BRME1: variants seen among roughly 807,000 people sequenced by gnomAD.
BRME1 encodes BRCA2 and MEILB2-associating protein 1.
In BRME1, 31 loss-of-function variants were observed where a neutral mutation model predicts 52.6. The observed-to-expected ratio is 0.59, with a 90% CI of 0.44 to 0.80. The LOEUF is 0.80. BRME1 is among the 30% of genes least tolerant of loss of function. The pLI is 0.00. For synonymous variants in BRME1, 359 were observed against 353.6 expected, an observed-to-expected ratio of 1.02 and a Z score of -0.17; for missense variants, 804 against 860.3, an observed-to-expected ratio of 0.93 and a Z score of 0.82.
chr19:13,889,395 TTC>T lies in BRME1; in HGVS notation c.1459_1460del (p.Glu487AsnfsTer62). ...GCTCCTGGAGAGGGTCGTCTGCTAT[TTC>T]TCTGTGTTCCAGCACAACAGAGGCT... Reference protein sequence around the residue: ...PQASVVLEHREIADDPLQEPG... With the variant: ...PQASVVLEHRXIADDPLQEPG... On this transcript the variant is annotated frameshift_variant, in exon 6 of 9. Transcript: ENST00000586783. LOFTEE classifies it high-confidence loss of function. 1.2e-6 allele frequency: 2 copies of T among 1,614,012 alleles called. No homozygotes were observed. The highest frequency in any genetic ancestry group is 1.7e-6 in the Non-Finnish European group (2 of 1,179,990).
At chr19:13,891,274 C>T (rs1339149054) in intron 5 of BRME1, among the ~76,000 whole-genome samples, 2 of 151,488 alleles carry the variant, frequency 1.3e-5, no homozygotes, top group Admixed American at 6.6e-5. Context: ...CTCAGCCTCC[C>T]GAGTAGCTGG....
In BRME1 at chr19:13,883,365, C is replaced by T. The variant is rs1303126956; in HGVS notation, c.1799G>A (p.Arg600Lys). 5 of 1,535,338 alleles carry T rather than the reference C, an allele frequency of 3.3e-6. No individual in the cohort carries two copies. Among genetic ancestry groups the T allele is most frequent in the Non-Finnish European group, 4.4e-6 (5 of 1,146,246 alleles). The stretch of plus-strand genomic sequence containing the variant: ...CACGACGTTGGTGGCATCCTCCATC[C>T]TGGAGGCCTCAGAGGCCTGGATCCC... ...FVGIQASEASRMEDATNVVRG... is the reference protein window; with the variant it reads ...FVGIQASEASKMEDATNVVRG... The change falls in exon 8 of 9, where the codon AGG becomes AAG. Residue 600 changes from arginine to lysine, a missense_variant. By Grantham distance (26) the Arg-to-Lys change is conservative. Around this residue, in one of 3 missense-constraint regions of BRME1, gnomAD observed 552 missense variants for 561.1 expected, o/e 0.98. Coordinates refer to ENST00000586783, the MANE Select transcript of BRME1 (RefSeq NM_001345843.2). This position sits in a 1 kb window ranked among gnomAD's most constrained non-coding sequence, Gnocchi z 4.2.
intron 2 of BRME1, among the ~76,000 whole-genome samples, chr19:13,903,479 C>A (rs992350042): frequency 8.5e-5 from 13 of 152,070 alleles, no homozygotes; most frequent in Admixed American, 7.9e-4. Flanking sequence ...TTGAGACCAG[C>A]CTGGCCAACA....
At chr19:13,902,889 C>T (rs965298303) in intron 2 of BRME1, among the ~76,000 whole-genome samples, 5 of 150,648 alleles carry the variant, frequency 3.3e-5, no homozygotes, top group African/African-American at 9.8e-5. Context: ...CGCGCCACTG[C>T]ACTCCAGCCT....
Position 13,890,352 on chromosome 19 carries a change from G to A in BRME1, c.504C>T (p.Asp168=). 1 of 1,573,316 alleles carries A rather than the reference G, an allele frequency of 6.4e-7. No individual in the cohort carries two copies. ...GGCTGCTCTGCTCAGGGCGGGCACT[G>A]TCTGCCTGCGTTGGGTCCCCCAGCT... ...ATELGDPTQA[D]SARPEQSSQS... is the part of the protein sequence containing the mutation. Residue 168 remains aspartate (D), a synonymous_variant, in exon 6 of 9, where the codon GAC becomes GAT. Transcript: ENST00000586783.
Position 13,895,395 on chromosome 19 carries a change from C to T in BRME1, c.183G>A (p.Glu61=), listed in dbSNP as rs1476697631. The change falls in exon 3 of 9, where the codon GAG becomes GAA. Residue 61 remains glutamate, a synonymous_variant. Transcript: ENST00000586783. ...ACCTGGAGACGGCCTTTCCTGGTTC[C>T]TCCCCGTGCTGCTGTGTAGAGGGAA... ...GPVPSTQQHG[E]EPGKAVSSSP... is the part of the protein sequence containing the mutation. 2.0e-5 allele frequency: 33 copies of T among 1,613,354 alleles called. No individual in the cohort carries two copies. Among genetic ancestry groups the T allele is most frequent in the Non-Finnish European group, 2.7e-5 (32 of 1,179,904 alleles).
At chr19:13,905,640 T>C (rs1970657822) in intron 1 of BRME1, 75 bp downstream of exon 1, 1 of 152,240 alleles carries the variant, frequency 6.6e-6, no homozygotes, top group Non-Finnish European at 1.5e-5. Flanking sequence ...AGGGGACAGC[T>C]GGGTCCTTGG....
At chr19:13,889,112 C>T (rs1189010730) in intron 6 of BRME1, 76 bp downstream of exon 6, 4 of 1,363,336 alleles carry the variant, frequency 2.9e-6, no homozygotes, top group African/African-American at 2.9e-5. Context: ...TGCCACTGCA[C>T]CGAGTGAGGA....
Position 13,902,432 on chromosome 19 carries a change from G to A in BRME1, c.31+2430C>T, listed in dbSNP as rs376527189. Among the ~76,000 whole-genome samples the A allele has an allele frequency of 9.3e-3, 1,372 of 148,140 alleles. 20 individuals carry two copies. Among genetic ancestry groups the A allele is most frequent in the African/African-American group, 0.032 (1,307 of 40,442 alleles). On this transcript the variant is annotated intron_variant, in intron 2 of 8. Transcript: ENST00000586783. Reference sequence around the variant, plus strand: ...GCGGATCACCTGAGGTTGGGAGTTCGAGACCAGCCTGACCAACATGGAGAA... The same window carrying A: ...GCGGATCACCTGAGGTTGGGAGTTCAAGACCAGCCTGACCAACATGGAGAA...
intron 1 of BRME1, 34 bp from the exon 2 acceptor site, chr19:13,904,947 C>G: frequency 6.5e-7 from 1 of 1,535,012 alleles, no homozygotes; most frequent in East Asian, 2.2e-5. Flanking sequence ...TCATTATAAG[C>G]AGTCTCTGTC....
chr19:13,882,655 G>A lies in BRME1; in HGVS notation c.*147C>T, dbSNP rs1968710866. The A allele has an allele frequency of 2.4e-5, 25 of 1,048,858 alleles. No individual in the cohort carries two copies. The highest frequency in any genetic ancestry group is 2.9e-5 in the Non-Finnish European group (21 of 713,616). 65.0% of individuals were successfully genotyped at this position (1,048,858 alleles called of 1,614,324 possible). A position where few individuals can be genotyped will look rare whatever the true frequency, so the allele number is the denominator to read the frequency against. On this transcript the variant is annotated 3_prime_UTR_variant, in exon 9 of 9. Coordinates refer to ENST00000586783, the MANE Select transcript of BRME1 (RefSeq NM_001345843.2). ...TGGCCAGGTGAGGCCAGGACCTCAC[G>A]GCCTCCTTTGTGTTGTCCATGGAAG...
Position 13,889,938 on chromosome 19 carries a change from C to T in BRME1, c.918G>A (p.Gln306=), listed in dbSNP as rs746559438. Residue 306 remains glutamine (Q), a synonymous_variant, in exon 6 of 9, where the codon CAG becomes CAA. Coordinates refer to ENST00000586783, the MANE Select transcript of BRME1 (RefSeq NM_001345843.2). ...SWCLEPGSVA[Q]GSPDPQQTPS... ...GGGTCTGCTGGGGGTCAGGGGAGCC[C>T]TGGGCCACAGACCCGGGTTCCAGGC... The T allele has an allele frequency of 6.2e-7, 1 of 1,612,660 alleles. No homozygotes were observed.
Position 13,890,265 on chromosome 19 carries a change from C to T in BRME1, c.591G>A (p.Arg197=), listed in dbSNP as rs201485058. ...GDSQPDDPPD[R]GTGLSASQRA... ...TCTGTGAGGCGGACAACCCCGTCCCCCTGTCTGGAGGGTCATCAGGCTGAG... is the reference window on the plus strand; with the variant it reads ...TCTGTGAGGCGGACAACCCCGTCCCTCTGTCTGGAGGGTCATCAGGCTGAG... The change falls in exon 6 of 9, where the codon AGG becomes AGA. Residue 197 remains arginine (R), a synonymous_variant. Coordinates refer to ENST00000586783, the MANE Select transcript of BRME1 (RefSeq NM_001345843.2). 8 of 1,613,786 alleles carry T rather than the reference C, an allele frequency of 5.0e-6. No individual in the cohort carries two copies. The East Asian group carries it at 1.3e-4, about 27-fold the overall frequency.
intron 2 of BRME1, among the ~76,000 whole-genome samples, chr19:13,899,624 C>T (rs1276074223): frequency 6.6e-6 from 1 of 152,186 alleles, no homozygotes; most frequent in Admixed American, 6.6e-5. Flanking sequence ...ATCTCCCCTT[C>T]GCCCTGCCCT....
chr19:13,901,958 TGAGCCTGGG>T (rs1177732586), intron 2 of BRME1, among the ~76,000 whole-genome samples: 1 of 151,580 alleles, frequency 6.6e-6, no homozygotes, highest in East Asian at 1.9e-4. Context: ...GAAGATCACC[TGAGCCTGGG>T]GAGGTCGAGG....
At chr19:13,897,252 T>C (rs1208735345) in intron 2 of BRME1, among the ~76,000 whole-genome samples, 2 of 150,892 alleles carry the variant, frequency 1.3e-5, no homozygotes, top group Non-Finnish European at 3.0e-5. Context: ...TTGGCCAGGA[T>C]GGTCTCGATC....
chr19:13,899,980 T>C (rs1180230527), intron 2 of BRME1, among the ~76,000 whole-genome samples: 1 of 152,172 alleles, frequency 6.6e-6, no homozygotes, highest in Non-Finnish European at 1.5e-5. Flanking sequence ...CCAGCCTGGG[T>C]GACAGAGCAA....
At position 13,888,425 on chromosome 19, in the gene BRME1, A is replaced by G. The variant is rs1403601299; in HGVS notation, c.1668+763T>C. On this transcript the variant is annotated intron_variant, in intron 6 of 8. Coordinates refer to ENST00000586783, the MANE Select transcript of BRME1 (RefSeq NM_001345843.2). The surrounding 1 kb of genome is among the most constrained non-coding windows in gnomAD (Gnocchi z 4.1). ...GCCACACCCAGTGTGTGGACAGAGA[A>G]CTGCCTACCTCCCTGGGCGTGACTG... 6.6e-6 allele frequency: 1 copy of G among 152,254 alleles called. No homozygotes were observed. Among genetic ancestry groups the G allele is most frequent in the Non-Finnish European group, 1.5e-5 (1 of 68,080 alleles). 9.4% of individuals were successfully genotyped at this position (152,254 alleles called of 1,614,324 possible). A position where few individuals can be genotyped will look rare whatever the true frequency, so the allele number is the denominator to read the frequency against.
At chr19:13,896,352 T>C (rs1227238282) in intron 2 of BRME1, among the ~76,000 whole-genome samples, 2 of 147,748 alleles carry the variant, frequency 1.4e-5, no homozygotes, top group African/African-American at 2.5e-5. Flanking sequence ...ATAAAATATA[T>C]AATTATAATG....
Sources: gnomAD v4.1 joint callset for allele counts (sites outside exome capture counted in the v4.1 genomes callset) on GRCh38, gnomAD v4.1.1 for gene constraint, gnomAD v4.1.1 regional missense constraint, Gnocchi (gnomAD v3.1) non-coding constraint, MANE v1.5 for transcripts, NCBI Gene and HGNC (gene_info 2026-07-23, HGNC 2026-07-21) for gene names.